The following NLGN1 variants were observed in gnomAD, a reference collection of about 807,000 sequenced individuals.
NLGN1 encodes the protein neuroligin 1.
Under a neutral mutation model 65.5 loss-of-function variants are expected in NLGN1, and 12 were observed. That is an observed-to-expected ratio of 0.18 (90% CI 0.12 to 0.30). NLGN1 has a LOEUF of 0.30. NLGN1 is among the 10% of genes least tolerant of loss of function. The probability of loss-of-function intolerance (pLI) is 1.00; values close to 1 mark genes in which losing one functional copy is unlikely to be tolerated. For synonymous variants in NLGN1, 350 were observed against 359.5 expected (o/e 0.97, Z 0.30); for missense variants, 750 against 1,007.1 (o/e 0.74, Z 3.46).
intron 3 of NLGN1, among the ~76,000 whole-genome samples, chr3:173,729,116 C>G (rs1772349274): frequency 1.3e-5 from 2 of 151,942 alleles, no homozygotes; most frequent in Admixed American, 1.3e-4. Flanking sequence ...GTTTTATAAA[C>G]CCAGGTCATA....
intron 1 of NLGN1, among the ~76,000 whole-genome samples, chr3:173,423,317 C>A (rs1715470813): frequency 6.6e-6 from 1 of 152,160 alleles, no homozygotes; most frequent in South Asian, 2.1e-4. Flanking sequence ...ATCCCATGTC[C>A]TTTTCACATT....
At chr3:173,949,835 T>C (rs531774680) in intron 4 of NLGN1, among the ~76,000 whole-genome samples, 1 of 152,320 alleles carries the variant, frequency 6.6e-6, no homozygotes, top group East Asian at 1.9e-4. Flanking sequence ...CATTGCTGGA[T>C]CAATTACCTT....
At chr3:173,626,832 C>A (rs1754896452) in intron 3 of NLGN1, among the ~76,000 whole-genome samples, 1 of 152,000 alleles carries the variant, frequency 6.6e-6, no homozygotes, top group Non-Finnish European at 1.5e-5. Context: ...TAACTGGTGA[C>A]TTTTCAAATA....
chr3:173,455,389 G>T (rs1292354290), intron 2 of NLGN1, among the ~76,000 whole-genome samples: 2 of 152,078 alleles, frequency 1.3e-5, no homozygotes, highest in African/African-American at 4.8e-5. Context: ...CCACCCCCAT[G>T]ACCCAAACAC....
chr3:173,993,770 G>GTA lies in NLGN1; in HGVS notation c.646+185949_646+185950dup, dbSNP rs575180991. Among the ~76,000 whole-genome samples the GTA allele has an allele frequency of 4.1e-3, 614 of 151,230 alleles. 12 individuals carry two copies. Among genetic ancestry groups the GTA allele is most frequent in the African/African-American group, 0.014 (571 of 41,230 alleles). On this transcript the variant is annotated intron_variant, in intron 4 of 6. Coordinates refer to ENST00000457714, the Ensembl canonical transcript of NLGN1. The stretch of plus-strand genomic sequence containing the variant: ...AATGAAGTACATATATATAGTGTGT[G>GTA]TATATATATATAAATGGTATATATG...
intron 2 of NLGN1, among the ~76,000 whole-genome samples, chr3:173,580,391 CATT>C (rs1483543834): frequency 1.3e-5 from 2 of 151,896 alleles, no homozygotes; most frequent in Non-Finnish European, 2.9e-5. Context: ...CTTTTATTTC[CATT>C]ATTATTATTC....
At chr3:174,255,700 C>A (rs1745618085) in intron 4 of NLGN1, among the ~76,000 whole-genome samples, 1 of 149,766 alleles carries the variant, frequency 6.7e-6, no homozygotes, top group African/African-American at 2.5e-5. Context: ...ACTCTGTCGC[C>A]CAGGCCGGAG....
At chr3:173,872,198 C>T (rs1481798006) in intron 4 of NLGN1, among the ~76,000 whole-genome samples, 6 of 152,150 alleles carry the variant, frequency 3.9e-5, no homozygotes, top group Non-Finnish European at 8.8e-5. Flanking sequence ...AGGCACATGT[C>T]TAAGCCAAAC....
At position 173,528,643 on chromosome 3, in the gene NLGN1, A is replaced by C. The variant is rs900266301; in HGVS notation, c.-320-75636A>C. Among the ~76,000 whole-genome samples the C allele has an allele frequency of 8.5e-5, 13 of 152,282 alleles. No individual in the cohort carries two copies. The East Asian group carries it at 2.1e-3, about 25-fold the overall frequency. On this transcript the variant is annotated intron_variant, in intron 2 of 6. Transcript: ENST00000457714. ...CAAGGCTTTGTTTATTTTTTAAAACATATTTTCTCTTTACTTTTGTCTAAC... is the reference window on the plus strand; with the variant it reads ...CAAGGCTTTGTTTATTTTTTAAAACCTATTTTCTCTTTACTTTTGTCTAAC...
At chr3:174,200,015 A>G (rs949974252) in intron 4 of NLGN1, among the ~76,000 whole-genome samples, 11 of 152,118 alleles carry the variant, frequency 7.2e-5, no homozygotes, top group African/African-American at 2.2e-4. Flanking sequence ...CTCTCTGGAG[A>G]GTAGATTTAA....
At chr3:174,061,266 T>C (rs893309838) in intron 4 of NLGN1, among the ~76,000 whole-genome samples, 2 of 152,156 alleles carry the variant, frequency 1.3e-5, no homozygotes, top group African/African-American at 2.4e-5. Flanking sequence ...ATTATATTGA[T>C]GCTATGGGGT....
chr3:174,024,405 A>G (rs1454179258), intron 4 of NLGN1, among the ~76,000 whole-genome samples: 3 of 152,168 alleles, frequency 2.0e-5, no homozygotes, highest in African/African-American at 4.8e-5. Flanking sequence ...TCAGAGGAAT[A>G]GGTTATCTGC....
intron 4 of NLGN1, among the ~76,000 whole-genome samples, chr3:173,926,017 T>A (rs1288045040): frequency 6.6e-6 from 1 of 152,010 alleles, no homozygotes; most frequent in Non-Finnish European, 1.5e-5. Context: ...TTCATTAGAA[T>A]CTTGGTATAC....
intron 4 of NLGN1, among the ~76,000 whole-genome samples, chr3:173,993,738 A>T (rs1721641981): frequency 6.6e-6 from 1 of 152,194 alleles, no homozygotes; most frequent in South Asian, 2.1e-4. Flanking sequence ...CCATTCATTA[A>T]TTTAATAATG....
At chr3:174,268,078 C>G (rs867029111) in intron 4 of NLGN1, among the ~76,000 whole-genome samples, 1 of 152,086 alleles carries the variant, frequency 6.6e-6, no homozygotes, top group Non-Finnish European at 1.5e-5. Context: ...GAGGACCTTT[C>G]TTATATGATA....
chr3:173,457,112 G>A (rs1233046678), intron 2 of NLGN1, among the ~76,000 whole-genome samples: 2 of 152,062 alleles, frequency 1.3e-5, no homozygotes, highest in African/African-American at 4.8e-5. Flanking sequence ...GATATCCTGA[G>A]CCACAGAGAA....
intron 3 of NLGN1, among the ~76,000 whole-genome samples, chr3:173,659,513 C>A (rs1173193305): frequency 6.6e-6 from 1 of 151,752 alleles, no homozygotes; most frequent in Non-Finnish European, 1.5e-5. Context: ...ATTTAAAAGG[C>A]AAGTAAGTAT....
chr3:173,926,000 T>C (rs1579226787), intron 4 of NLGN1, among the ~76,000 whole-genome samples: 1 of 152,042 alleles, frequency 6.6e-6, no homozygotes, highest in Non-Finnish European at 1.5e-5. Flanking sequence ...TTTTTAGTGC[T>C]GTCATTTTCA....
chr3:173,895,272 T>C (rs1736141686), intron 4 of NLGN1, among the ~76,000 whole-genome samples: 1 of 152,108 alleles, frequency 6.6e-6, no homozygotes, highest in East Asian at 1.9e-4. Flanking sequence ...ATCTGTAAAG[T>C]CCCTTTTTCT....
Sources: allele counts gnomAD v4.1 joint callset (sites outside exome capture counted in the v4.1 genomes callset), GRCh38; gene constraint gnomAD v4.1.1; transcripts MANE v1.5; gene names NCBI Gene and HGNC (gene_info 2026-07-23, HGNC 2026-07-21).